KLHL23: variants seen among roughly 807,000 people sequenced by gnomAD.
The protein encoded by KLHL23 is kelch-like protein 23.
A neutral mutation model predicts 48.9 loss-of-function variants in KLHL23; 33 were observed. The ratio of observed to expected loss-of-function variants is 0.67; its 90% CI spans 0.51 to 0.90. The LOEUF (loss-of-function observed/expected upper bound fraction) is 0.90, where lower values mean the gene tolerates loss of function less well. Ranked by LOEUF, KLHL23 falls within the 40% of genes least tolerant of loss-of-function variation. KLHL23 has a pLI of 0.00. For synonymous variants in KLHL23, 234 were observed against 231.6 expected (o/e 1.01, Z -0.09); for missense variants, 608 against 669.6 (o/e 0.91, Z 1.02).
rs767597892 is a variant in KLHL23 at position 169,749,632 on chromosome 2, G to A, written c.1577G>A (p.Ser526Asn). The change falls in exon 4 of 4, where the codon AGC (serine) becomes AAC (asparagine). Residue 526 changes from serine (S) to asparagine (N), a missense_variant. By Grantham distance (46) the Ser-to-Asn change is conservative. Coordinates refer to ENST00000392647, the MANE Select transcript of KLHL23 (RefSeq NM_144711.6). ...YSYSKGTYLQSIEKYDPDLNK... is the reference protein window; with the variant it reads ...YSYSKGTYLQNIEKYDPDLNK... ...TACTCAAAGGGAACGTATCTTCAGA[G>A]CATTGAGAAATATGATCCAGATCTT... 6.2e-7 allele frequency: 1 copy of A among 1,614,074 alleles called. No homozygotes were observed. The highest frequency in any genetic ancestry group is 8.5e-7 in the Non-Finnish European group (1 of 1,180,014).
At chr2:169,736,356 C>T (rs900932607) in intron 2 of KLHL23, 129 bp downstream of exon 2, 2 of 1,316,134 alleles carry the variant, frequency 1.5e-6, no homozygotes, top group Admixed American at 5.2e-5. Context: ...AATAATGCTA[C>T]ACAGAATGTT....
intron 3 of KLHL23, 73 bp downstream of exon 3, chr2:169,741,610 A>C (rs1688677710): frequency 1.3e-6 from 2 of 1,483,690 alleles, no homozygotes; most frequent in South Asian, 2.9e-5. Flanking sequence ...CTAAAAATGG[A>C]CTGGAAATAG....
chr2:169,739,329 C>T (rs1688618689), intron 2 of KLHL23, among the ~76,000 whole-genome samples: 1 of 152,046 alleles, frequency 6.6e-6, no homozygotes. Context: ...CTCTATTCCT[C>T]TGTTTAAAAA....
Position 169,735,889 on chromosome 2 carries a change from G to A in KLHL23, c.875G>A (p.Trp292Ter). Residue 292 changes from tryptophan (W) to a stop codon, truncating the protein, a stop_gained, in exon 2 of 4, where the codon TGG (tryptophan) becomes TAG (stop). Coordinates refer to ENST00000392647, the MANE Select transcript of KLHL23 (RefSeq NM_144711.6). LOFTEE classifies it high-confidence loss of function. This position sits in a 1 kb window ranked among gnomAD's most constrained non-coding sequence, Gnocchi z 4.5. Reference protein sequence around the residue: ...YWHPLSEVHIWDPLTNVWIQG... With the variant: ...YWHPLSEVHI ...CATCCTTTATCAGAGGTTCACATAT[G>A]GGATCCTTTGACAAATGTTTGGATT... 1.9e-6 allele frequency: 3 copies of A among 1,614,124 alleles called. No homozygotes were observed. The highest frequency in any genetic ancestry group is 2.5e-6 in the Non-Finnish European group (3 of 1,180,042).
At chr2:169,748,818 C>A (rs1458769149) in intron 3 of KLHL23, among the ~76,000 whole-genome samples, 1 of 150,550 alleles carries the variant, frequency 6.6e-6, no homozygotes, top group Non-Finnish European at 1.5e-5. Context: ...GGACCCGGAT[C>A]CCACACAGCA....
At chr2:169,738,039 C>T (rs571498156) in intron 2 of KLHL23, among the ~76,000 whole-genome samples, 45 of 152,296 alleles carry the variant, frequency 3.0e-4, no homozygotes, top group South Asian at 6.2e-4. Context: ...TGCATGCTTG[C>T]GTTAACCTTG....
chr2:169,742,926 CTG>C (rs1452423659), intron 3 of KLHL23, among the ~76,000 whole-genome samples: 1 of 152,226 alleles, frequency 6.6e-6, no homozygotes, highest in African/African-American at 2.4e-5. Context: ...CATGTATAAT[CTG>C]TTTAAACCTC....
At chr2:169,747,674 A>C (rs1208886902) in intron 3 of KLHL23, among the ~76,000 whole-genome samples, 1 of 151,844 alleles carries the variant, frequency 6.6e-6, no homozygotes, top group Admixed American at 6.6e-5. Context: ...CTACGTTATA[A>C]TGTGAGGACA....
At chr2:169,738,285 A>C (rs1398142213) in intron 2 of KLHL23, among the ~76,000 whole-genome samples, 3 of 132,294 alleles carry the variant, frequency 2.3e-5, no homozygotes, top group Non-Finnish European at 4.9e-5. Flanking sequence ...TTTTAAAACT[A>C]GAAATGGCGG....
At chr2:169,747,389 TAAAA>T (rs10690582) in intron 3 of KLHL23, among the ~76,000 whole-genome samples, 2 of 69,204 alleles carry the variant, frequency 2.9e-5, no homozygotes, top group African/African-American at 5.1e-5. Flanking sequence ...ACTCTGTCTC[TAAAA>T]AAAAAAAAAA....
At chr2:169,737,296 G>T (rs1168821967) in intron 2 of KLHL23, among the ~76,000 whole-genome samples, 1 of 152,186 alleles carries the variant, frequency 6.6e-6, no homozygotes, top group African/African-American at 2.4e-5. Context: ...CTGAATGTCG[G>T]TATTGAAGGA....
At chr2:169,739,425 C>T (rs1205967030) in intron 2 of KLHL23, among the ~76,000 whole-genome samples, 1 of 152,108 alleles carries the variant, frequency 6.6e-6, no homozygotes, top group African/African-American at 2.4e-5. Context: ...CTTACCATGC[C>T]AGCCTTAAAG....
intron 2 of KLHL23, chr2:169,740,898 G>A (rs1353166804): frequency 6.6e-6 from 1 of 151,794 alleles, no homozygotes; most frequent in Non-Finnish European, 1.5e-5. Flanking sequence ...ATCAATGTCA[G>A]AGTCATCAAT....
At chr2:169,739,679 T>C (rs1459334305) in intron 2 of KLHL23, among the ~76,000 whole-genome samples, 2 of 152,236 alleles carry the variant, frequency 1.3e-5, no homozygotes, top group Non-Finnish European at 1.5e-5. Context: ...TTTTTCATGG[T>C]GTTTCTTCCA....
chr2:169,742,375 C>T lies in KLHL23; in HGVS notation c.1366+838C>T, dbSNP rs945053397. ...CTTCATATGTGTATTACCTCAGATT[C>T]TCACTACAAGTCTGTGAGCAGGTAT... On this transcript the variant is annotated intron_variant, in intron 3 of 3. Transcript: ENST00000392647. Among the ~76,000 whole-genome samples, 3 of 152,314 alleles carry T rather than the reference C, an allele frequency of 2.0e-5. No individual in the cohort carries two copies. In the East Asian group the frequency reaches 5.8e-4, roughly 29 times the overall value.
At position 169,735,564 on chromosome 2, in the gene KLHL23, C is replaced by A. The variant is rs749545754; in HGVS notation, c.550C>A (p.Leu184Ile). Residue 184 changes from leucine (L) to isoleucine (I), a missense_variant, in exon 2 of 4, where the codon CTC (leucine) becomes ATC (isoleucine). Leu to Ile is a conservative substitution (Grantham distance 5). This residue lies in a region of KLHL23 where 419 missense variants were observed against 473.1 expected (regional missense o/e 0.89). Coordinates refer to ENST00000392647, the MANE Select transcript of KLHL23 (RefSeq NM_144711.6). The surrounding 1 kb of genome is among the most constrained non-coding windows in gnomAD (Gnocchi z 4.5). ...EFLEISLEKF[L>I]FILSRKNLSV... ...TCTGGAAATCAGCCTTGAAAAGTTTCTCTTTATCTTGTCCAGAAAGAATCT... is the reference window on the plus strand; with the variant it reads ...TCTGGAAATCAGCCTTGAAAAGTTTATCTTTATCTTGTCCAGAAAGAATCT... The A allele has an allele frequency of 3.7e-6, 6 of 1,613,704 alleles. No homozygotes were observed. Among genetic ancestry groups the A allele is most frequent in the Non-Finnish European group, 5.1e-6 (6 of 1,179,958 alleles).
chr2:169,738,493 G>A (rs1383582533), intron 2 of KLHL23, among the ~76,000 whole-genome samples: 2 of 152,070 alleles, frequency 1.3e-5, no homozygotes, highest in Non-Finnish European at 2.9e-5. Flanking sequence ...AAGTGAAATA[G>A]CAGCTTTCTC....
rs536969547 is a variant in KLHL23 at position 169,747,142 on chromosome 2, A to G, written c.1367-2280A>G. ...CTCACGCCTGTAATCTCAGTGCATT[A>G]TTTGAGTCCAGGAGTTCAAGACTAG... is the stretch of plus-strand genomic sequence containing the variant. On this transcript the variant is annotated intron_variant, in intron 3 of 3. Coordinates refer to ENST00000392647, the MANE Select transcript of KLHL23 (RefSeq NM_144711.6). 1.2e-4 allele frequency among the ~76,000 whole-genome samples: 18 copies of G among 152,174 alleles called. 1 individual carries two copies. In the South Asian group the frequency reaches 3.3e-3, roughly 28 times the overall value.
At chr2:169,738,846 CCCT>C (rs1688587214) in intron 2 of KLHL23, among the ~76,000 whole-genome samples, 10 of 4,744 alleles carry the variant, frequency 2.1e-3, no homozygotes, top group East Asian at 0.011. Context: ...CCTCCCCCTC[CCCT>C]TCCTCACCCT....
Sources: allele counts gnomAD v4.1 joint callset (sites outside exome capture counted in the v4.1 genomes callset), GRCh38; gene constraint gnomAD v4.1.1; regional missense constraint gnomAD v4.1.1; non-coding constraint Gnocchi (gnomAD v3.1); transcripts MANE v1.5; gene names NCBI Gene and HGNC (gene_info 2026-07-23, HGNC 2026-07-21).